CNTN5: variants seen among roughly 807,000 people sequenced by gnomAD.
CNTN5 encodes contactin-5.
A neutral mutation model predicts 129.1 loss-of-function variants in CNTN5; 77 were observed. The ratio of observed to expected loss-of-function variants is 0.60; its 90% CI spans 0.50 to 0.72. CNTN5 has a LOEUF of 0.72. Among genes scored for constraint, CNTN5 ranks in the 30% least tolerant of loss-of-function variants. The pLI is 0.00. For synonymous variants in CNTN5, 509 were observed against 465.6 expected, an observed-to-expected ratio of 1.09 and a Z score of -1.20; for missense variants, 1,478 against 1,328.8, an observed-to-expected ratio of 1.11 and a Z score of -1.75.
At chr11:99,629,334 C>T (rs1181285702) in intron 3 of CNTN5, among the ~76,000 whole-genome samples, 1 of 151,994 alleles carries the variant, frequency 6.6e-6, no homozygotes, top group Non-Finnish European at 1.5e-5. Context: ...ATTCTTGTCT[C>T]TATTTGGACT....
At chr11:100,193,366 A>G (rs1422830119) in intron 14 of CNTN5, 122 bp from the exon 15 acceptor site, 4 of 568,896 alleles carry the variant, frequency 7.0e-6, no homozygotes, top group Non-Finnish European at 1.2e-5. Flanking sequence ...AAAAGCTGGT[A>G]TATGTATCTG....
intron 12 of CNTN5, 38 bp downstream of exon 12, chr11:100,071,872 C>T: frequency 6.7e-7 from 1 of 1,494,302 alleles, no homozygotes; most frequent in Admixed American, 2.4e-5. Context: ...AAAAAAAAAA[C>T]CTTGCTTCTT....
At chr11:99,962,314 C>G (rs1346406605) in intron 8 of CNTN5, among the ~76,000 whole-genome samples, 1 of 138,366 alleles carries the variant, frequency 7.2e-6, no homozygotes, top group East Asian at 2.7e-4. Context: ...CCCCTCCCCC[C>G]ACCCCACAAC....
chr11:99,838,482 A>G (rs1410488673), intron 4 of CNTN5, among the ~76,000 whole-genome samples: 1 of 152,194 alleles, frequency 6.6e-6, no homozygotes, highest in Non-Finnish European at 1.5e-5. Context: ...TCCTATATTT[A>G]AAAAATCCTC....
intron 6 of CNTN5, among the ~76,000 whole-genome samples, chr11:99,894,524 A>T (rs1009039139): frequency 1.3e-5 from 2 of 150,290 alleles, no homozygotes; most frequent in African/African-American, 4.9e-5. Context: ...GCAAAAAAAA[A>T]AAAAACCAAA....
chr11:99,241,318 G>GTTTTTTTTTTT (rs10648459), intron 1 of CNTN5, among the ~76,000 whole-genome samples: 9 of 88,044 alleles, frequency 1.0e-4, no homozygotes, highest in South Asian at 4.7e-4. Flanking sequence ...TTGATTGTTG[G>GTTTTTTTTTTT]TTTTTTTTTT....
chr11:100,354,970 A>C (rs751268488), intron 24 of CNTN5, among the ~76,000 whole-genome samples: 2 of 151,660 alleles, frequency 1.3e-5, no homozygotes, highest in Non-Finnish European at 3.0e-5. Context: ...GTGAATGTGA[A>C]GGCCTATGAC....
intron 2 of CNTN5, among the ~76,000 whole-genome samples, chr11:99,539,054 C>T (rs1238224283): frequency 6.6e-6 from 1 of 152,016 alleles, no homozygotes; most frequent in Non-Finnish European, 1.5e-5. Context: ...TTTCCAGCCA[C>T]ACGATACCTA....
chr11:99,857,842 C>T (rs1323210618), intron 6 of CNTN5, among the ~76,000 whole-genome samples: 1 of 152,020 alleles, frequency 6.6e-6, no homozygotes, highest in Admixed American at 6.6e-5. Flanking sequence ...CTTTATTGAT[C>T]TCCGTGGCAA....
intron 3 of CNTN5, among the ~76,000 whole-genome samples, chr11:99,716,518 C>T (rs963858202): frequency 2.6e-5 from 4 of 151,994 alleles, no homozygotes; most frequent in Non-Finnish European, 5.9e-5. Context: ...ATGCTGCTCC[C>T]ATGCAGTCCC....
chr11:99,432,165 A>G (rs566067688), intron 2 of CNTN5, among the ~76,000 whole-genome samples: 64 of 152,284 alleles, frequency 4.2e-4, no homozygotes, highest in African/African-American at 1.5e-3. Context: ...GTGATACTCA[A>G]TTGCGGGCCT....
At position 99,870,320 on chromosome 11, in the gene CNTN5, A is replaced by T. The variant is rs192159200; in HGVS notation, c.577+25058A>T. On this transcript the variant is annotated intron_variant, in intron 6 of 24. Coordinates refer to ENST00000524871, the MANE Select transcript of CNTN5 (RefSeq NM_014361.4). ...AAAAAACAATGGTTTCCAAACAGCC[A>T]CTGTCACTTCACTCTTCCACTCCTT... Among the ~76,000 whole-genome samples, 640 of 152,210 alleles carry T rather than the reference A, an allele frequency of 4.2e-3. 4 individuals are homozygous for T. Among genetic ancestry groups the T allele is most frequent in the Middle Eastern group, 0.014 (4 of 294 alleles).
At chr11:100,205,913 T>C (rs1186323765) in intron 15 of CNTN5, among the ~76,000 whole-genome samples, 1 of 152,086 alleles carries the variant, frequency 6.6e-6, no homozygotes, top group East Asian at 1.9e-4. Flanking sequence ...TCTTATTTTA[T>C]CTCAGTTCCA....
At chr11:99,874,573 G>A (rs997019071) in intron 6 of CNTN5, among the ~76,000 whole-genome samples, 2 of 152,134 alleles carry the variant, frequency 1.3e-5, no homozygotes, top group Non-Finnish European at 1.5e-5. Flanking sequence ...TTGCAAGTTG[G>A]TGATATTCTA....
chr11:100,336,800 T>A, intron 21 of CNTN5: 1 of 364,438 alleles, frequency 2.7e-6, no homozygotes, highest in Non-Finnish European at 5.1e-6. Flanking sequence ...TGAGGTGTTC[T>A]GCGACTTCCC....
rs1377195233 is a variant in CNTN5 at position 99,234,974 on chromosome 11, AC to A, written c.-209-90370del. 5.1e-4 allele frequency among the ~76,000 whole-genome samples: 78 copies of A among 152,176 alleles called. 1 individual carries two copies. Among genetic ancestry groups the A allele is most frequent in the Non-Finnish European group, 1.8e-4 (12 of 67,972 alleles). On this transcript the variant is annotated intron_variant, in intron 1 of 24. Coordinates refer to ENST00000524871, the MANE Select transcript of CNTN5 (RefSeq NM_014361.4). ...AGGTATTTACAAAGTCAATTGAGAA[AC>A]CAGGATGAAATGGCTAATGACTGTT... is the stretch of plus-strand genomic sequence containing the variant.
rs953335235 is a variant in CNTN5 at position 99,181,474 on chromosome 11, T to A, written c.-209-143872T>A. ...ATCCAGAAATGTTAGCAGGGATGAT[T>A]CTCCAAGGTAGCCCATTCCTGGGGG... On this transcript the variant is annotated intron_variant, in intron 1 of 24. Transcript: ENST00000524871. 4.6e-5 allele frequency among the ~76,000 whole-genome samples: 7 copies of A among 152,254 alleles called. No individual in the cohort carries two copies. The South Asian group carries it at 1.5e-3, about 32-fold the overall frequency.
chr11:99,515,539 A>G (rs1947014245), intron 2 of CNTN5, among the ~76,000 whole-genome samples: 1 of 152,040 alleles, frequency 6.6e-6, no homozygotes, highest in South Asian at 2.1e-4. Context: ...ATAAGAGGTA[A>G]TTATTAGGCC....
intron 13 of CNTN5, among the ~76,000 whole-genome samples, chr11:100,078,343 T>A (rs1944228325): frequency 6.6e-6 from 1 of 152,176 alleles, no homozygotes; most frequent in African/African-American, 2.4e-5. Flanking sequence ...TGCCTGCTTA[T>A]ATATTACCAA....
Sources: allele counts gnomAD v4.1 joint callset (sites outside exome capture counted in the v4.1 genomes callset), GRCh38; gene constraint gnomAD v4.1.1; transcripts MANE v1.5; gene names NCBI Gene and HGNC (gene_info 2026-07-23, HGNC 2026-07-21).